The following IQGAP3 variants were observed in gnomAD, a reference collection of about 807,000 sequenced individuals.
The protein encoded by IQGAP3 is IQ motif containing GTPase activating protein 3.
Under a neutral mutation model 208.2 loss-of-function variants are expected in IQGAP3, and 165 were observed. The ratio of observed to expected loss-of-function variants is 0.79; its 90% CI spans 0.70 to 0.90. The LOEUF is 0.90. Among genes scored for constraint, IQGAP3 ranks in the 40% least tolerant of loss-of-function variants. IQGAP3 has a pLI of 0.00. For synonymous variants in IQGAP3, 703 were observed against 803.6 expected (o/e 0.87, Z 2.12); for missense variants, 1,811 against 2,043.1 (o/e 0.89, Z 2.19).
At position 156,564,637 on chromosome 1, in the gene IQGAP3, C is replaced by G. The variant is rs769947367; in HGVS notation, c.415G>C (p.Val139Leu). The change falls in exon 5 of 38, where the codon GTC (valine) becomes CTC (leucine). Residue 139 changes from valine to leucine, a missense_variant. Transcript: ENST00000361170. ...IYDKKNMPRV[V>L]YCIHALSLFL... ...CACCTGAGAGCATGGATGCAGTAGA[C>G]TACCCGGGGCATGTTCTTTTTGTCA... 7 of 1,613,808 alleles carry G rather than the reference C, an allele frequency of 4.3e-6. No individual in the cohort carries two copies. The highest frequency in any genetic ancestry group is 5.9e-6 in the Non-Finnish European group (7 of 1,179,716).
chr1:156,563,045 A>C, intron 8 of IQGAP3, 89 bp downstream of exon 8: 1 of 1,146,732 alleles, frequency 8.7e-7, no homozygotes, highest in Non-Finnish European at 1.2e-6. Flanking sequence ...TTTGGATACT[A>C]GAGACATGAC....
chr1:156,535,256 A>C lies in IQGAP3; in HGVS notation c.3423-9T>G, dbSNP rs1238247046. ...CATATCGCATCCCATACCTGGGGAC[A>C]AAGAAACAGGTGCGCGTGGCTGTGC... On this transcript the variant is annotated splice_polypyrimidine_tract_variant and intron_variant, in intron 27 of 37. Coordinates refer to ENST00000361170, the MANE Select transcript of IQGAP3 (RefSeq NM_178229.5). The C allele has an allele frequency of 2.5e-6, 4 of 1,600,266 alleles. No individual in the cohort carries two copies. Among genetic ancestry groups the C allele is most frequent in the Non-Finnish European group, 3.4e-6 (4 of 1,169,562 alleles).
At position 156,528,158 on chromosome 1, in the gene IQGAP3, C is replaced by T. The variant is rs1674196672; in HGVS notation, c.4674-98G>A. 19 of 881,552 alleles carry T rather than the reference C, an allele frequency of 2.2e-5. No individual in the cohort carries two copies. The South Asian group carries it at 2.7e-4, about 13-fold the overall frequency. The allele number at this position is 881,552 out of a possible 1,614,324, so 54.6% of individuals were successfully genotyped here. A position where few individuals can be genotyped will look rare whatever the true frequency, so the allele number is the denominator to read the frequency against. ...TGCTCCTCATCCTGGGCAGCGGTGT[C>T]ATCCAGAACCAGTTTTCCCTCTGTC... On this transcript the variant is annotated intron_variant, in intron 36 of 37. Transcript: ENST00000361170.
At chr1:156,570,268 T>C (rs1202461016) in intron 1 of IQGAP3, among the ~76,000 whole-genome samples, 1 of 152,208 alleles carries the variant, frequency 6.6e-6, no homozygotes. Flanking sequence ...AAGGCCTGCA[T>C]GGTGGCTCAT....
Position 156,546,426 on chromosome 1 carries a change from C to A in IQGAP3, c.2304+1647G>T, listed in dbSNP as rs548113518. On this transcript the variant is annotated intron_variant, in intron 19 of 37. Transcript: ENST00000361170. ...TTCCCTCTGACTCCATCTTCTCTCC[C>A]ACTGTTGGTGTGGTTTTTCATCGCC... Among the ~76,000 whole-genome samples the A allele has an allele frequency of 3.3e-5, 5 of 152,294 alleles. No individual in the cohort carries two copies. In the East Asian group the frequency reaches 7.7e-4, roughly 23 times the overall value.
intron 5 of IQGAP3, among the ~76,000 whole-genome samples, 173 bp from the exon 6 acceptor site, chr1:156,563,997 G>A (rs1676286749): frequency 6.6e-6 from 1 of 152,270 alleles, no homozygotes; most frequent in South Asian, 2.1e-4. Flanking sequence ...TCAGCCCAAG[G>A]AAAGTGCTGC....
At chr1:156,569,497 G>T in intron 1 of IQGAP3, 34 bp from the exon 2 acceptor site, 3 of 1,031,250 alleles carry the variant, frequency 2.9e-6, no homozygotes, top group Non-Finnish European at 4.4e-6. Flanking sequence ...TCAATGAAGA[G>T]AGCATTAGAG....
rs529070183 is a variant in IQGAP3 at position 156,527,103 on chromosome 1, T to C, written c.4783-504A>G. Among the ~76,000 whole-genome samples, 5 of 150,910 alleles carry C rather than the reference T, an allele frequency of 3.3e-5. No individual in the cohort carries two copies. The South Asian group carries it at 8.5e-4, about 26-fold the overall frequency. The stretch of plus-strand genomic sequence containing the variant: ...GCCTCGGCCTCCCAAAGTGCTGGGA[T>C]TACAGGCGTGAGCCACTGCACCCGG... On this transcript the variant is annotated intron_variant, in intron 37 of 37. Coordinates refer to ENST00000361170, the MANE Select transcript of IQGAP3 (RefSeq NM_178229.5).
At chr1:156,561,174 T>C (rs1054563699) in intron 10 of IQGAP3, among the ~76,000 whole-genome samples, 153 bp from the exon 11 acceptor site, 4 of 140,636 alleles carry the variant, frequency 2.8e-5, no homozygotes, top group African/African-American at 5.3e-5. Flanking sequence ...CTATTAACCG[T>C]TTTTTTTTTT....
In IQGAP3 at chr1:156,537,157, C is replaced by T. The variant is rs760872813; in HGVS notation, c.3422+24G>A. ...GCCCTCTTGAAATCCCATGCGTAGGCTGGGGTGGGGCTGTTGCACATACGG... is the reference window on the plus strand; with the variant it reads ...GCCCTCTTGAAATCCCATGCGTAGGTTGGGGTGGGGCTGTTGCACATACGG... On this transcript the variant is annotated intron_variant, in intron 27 of 37. Transcript: ENST00000361170. The T allele has an allele frequency of 4.4e-6, 7 of 1,606,160 alleles. No individual in the cohort carries two copies. In the South Asian group the frequency reaches 6.7e-5, roughly 15 times the overall value.
intron 26 of IQGAP3, among the ~76,000 whole-genome samples, chr1:156,538,596 GT>G (rs1327595120): frequency 2.6e-5 from 4 of 152,250 alleles, no homozygotes; most frequent in African/African-American, 9.6e-5. Context: ...CAGGTCTGAA[GT>G]CATTTACATC....
intron 1 of IQGAP3, 119 bp from the exon 2 acceptor site, chr1:156,569,582 A>ATGTG (rs1299502983): frequency 2.4e-6 from 1 of 420,166 alleles, no homozygotes; most frequent in Non-Finnish European, 3.9e-6. Context: ...GCAGTGGCCC[A>ATGTG]ATCTTGGCTC....
chr1:156,549,484 A>AAG (rs200675413), intron 16 of IQGAP3, among the ~76,000 whole-genome samples: 1,813 of 151,198 alleles, frequency 0.012, 17 homozygotes, highest in African/African-American at 0.024. Context: ...AAAAAAAAAA[A>AAG]AAAGAAAAAA....
chr1:156,569,797 G>A (rs1676567864), intron 1 of IQGAP3, among the ~76,000 whole-genome samples: 2 of 151,788 alleles, frequency 1.3e-5, no homozygotes, highest in South Asian at 4.1e-4. Context: ...GGCATTACAG[G>A]CTTGAGCCGC....
In IQGAP3 at chr1:156,530,184, C is replaced by T. The variant is rs199533607; in HGVS notation, c.4325G>A (p.Arg1442Gln). The T allele has an allele frequency of 9.3e-6, 15 of 1,612,284 alleles. No homozygotes were observed. The highest frequency in any genetic ancestry group is 5.0e-5 in the Admixed American group (3 of 59,722). The part of the protein sequence containing the change: ...PLAEKQRRVL[R>Q]NLRRLEALGL... ...CAGGGCTTCAAGTCGGCGTAGGTTCCGCAGGACGCGCCGCTGCTTCTCTGC... is the reference window on the plus strand; with the variant it reads ...CAGGGCTTCAAGTCGGCGTAGGTTCTGCAGGACGCGCCGCTGCTTCTCTGC... Residue 1442 changes from arginine (R) to glutamine (Q), a missense_variant, in exon 34 of 38, where the codon CGG becomes CAG. Arg to Gln is a conservative substitution (Grantham distance 43, BLOSUM62 1). Transcript: ENST00000361170.
Position 156,556,685 on chromosome 1 carries a change from C to T in IQGAP3, c.1138G>A (p.Ala380Thr), listed in dbSNP as rs1675836944. Residue 380 changes from alanine (A) to threonine (T), a missense_variant, in exon 12 of 38, where the codon GCT (alanine) becomes ACT (threonine). Ala to Thr is a moderately conservative substitution (Grantham distance 58). Coordinates refer to ENST00000361170, the MANE Select transcript of IQGAP3 (RefSeq NM_178229.5). ...ATGGCTTTGTTGATCCGCTGCACAG[C>T]GTGGAGCACTGCAAGGCAGGAGAGC... The part of the protein sequence containing the change: ...KGDQEQAMLH[A>T]VQRINKAIRR... 5 of 1,573,934 alleles carry T rather than the reference C, an allele frequency of 3.2e-6. No homozygotes were observed. The highest frequency in any genetic ancestry group is 1.8e-5 in the Admixed American group (1 of 56,744).
At chr1:156,554,165 C>A (rs2102415670) in intron 13 of IQGAP3, 70 bp downstream of exon 13, 1 of 1,502,262 alleles carries the variant, frequency 6.7e-7, no homozygotes, top group Non-Finnish European at 8.9e-7. Flanking sequence ...AAGTCTCCAA[C>A]AGAAGAGTGC....
At chr1:156,548,031 T>C (rs758497636) in intron 19 of IQGAP3, 42 bp downstream of exon 19, 1 of 1,574,084 alleles carries the variant, frequency 6.4e-7, no homozygotes, top group Non-Finnish European at 8.6e-7. Flanking sequence ...GGAGCCCAGA[T>C]AAGCCCAGGC....
Position 156,548,387 on chromosome 1 carries a change from G to T in IQGAP3, c.2094C>A (p.Cys698Ter). Reference protein sequence around the residue: ...FQGIWEQPPGCPLNTSHLTRE... With the variant: ...FQGIWEQPPG ...GGGTCAGGTGAGAGGTGTTGAGGGG[G>T]CAGCCAGGAGGTTGCTCCCAGATCC... Residue 698 changes from cysteine (C) to a stop codon, truncating the protein, a stop_gained, in exon 18 of 38, where the codon TGC becomes TGA. Transcript: ENST00000361170. LOFTEE classifies it high-confidence loss of function. 1 of 1,613,978 alleles carries T rather than the reference G, an allele frequency of 6.2e-7. No individual in the cohort carries two copies. Among genetic ancestry groups the T allele is most frequent in the Non-Finnish European group, 8.5e-7 (1 of 1,179,978 alleles).
Sources: gnomAD v4.1 joint callset for allele counts (sites outside exome capture counted in the v4.1 genomes callset) on GRCh38, gnomAD v4.1.1 for gene constraint, MANE v1.5 for transcripts, NCBI Gene and HGNC (gene_info 2026-07-23, HGNC 2026-07-21) for gene names.